ANKRD44: variants seen among roughly 807,000 people sequenced by gnomAD.
ANKRD44 encodes the protein serine/threonine-protein phosphatase 6 regulatory ankyrin repeat subunit B.
In ANKRD44, 35 loss-of-function variants were observed where a neutral mutation model predicts 116.0. That is an observed-to-expected ratio of 0.30 (90% CI 0.23 to 0.40). The LOEUF (loss-of-function observed/expected upper bound fraction) is 0.40, where lower values mean the gene tolerates loss of function less well. Ranked by LOEUF, ANKRD44 falls within the 10% of genes least tolerant of loss-of-function variation. The pLI is 1.00. For missense variants in ANKRD44, 1,014 were observed against 1,242.6 expected (o/e 0.82, Z 2.77); for synonymous variants, 435 against 461.8 (o/e 0.94, Z 0.74).
chr2:197,083,309 T>C, intron 14 of ANKRD44, 60 bp downstream of exon 14: 1 of 1,528,080 alleles, frequency 6.5e-7, no homozygotes, highest in Non-Finnish European at 8.8e-7. Flanking sequence ...AACTTAGCAA[T>C]CCTTCCCCAC....
At chr2:197,134,816 T>C (rs1367530074) in intron 4 of ANKRD44, 1 of 152,160 alleles carries the variant, frequency 6.6e-6, no homozygotes, top group Non-Finnish European at 1.5e-5. Flanking sequence ...AATCCATACA[T>C]ATTTTTAAAG....
chr2:196,996,558 G>C (rs533484966), intron 25 of ANKRD44, among the ~76,000 whole-genome samples: 1 of 152,282 alleles, frequency 6.6e-6, no homozygotes, highest in South Asian at 2.1e-4. Context: ...CTGAGGCACT[G>C]CTGTTGGAAG....
chr2:197,191,572 T>TA (rs949091441), intron 1 of ANKRD44, among the ~76,000 whole-genome samples: 1 of 152,144 alleles, frequency 6.6e-6, no homozygotes, highest in African/African-American at 2.4e-5. Flanking sequence ...AATAAAATGC[T>TA]AAATCAAATA....
intron 1 of ANKRD44, among the ~76,000 whole-genome samples, chr2:197,242,767 C>T (rs2082116668): frequency 1.3e-5 from 2 of 152,178 alleles, no homozygotes; most frequent in South Asian, 4.1e-4. Flanking sequence ...AAAGGACATG[C>T]TTTTATTTAC....
At chr2:196,979,555 T>TTTTTTTTTTTTTTTTTTTTTTC (rs2075785781) in intron 21 of ANKRD44, among the ~76,000 whole-genome samples, 1 of 9,592 alleles carries the variant, frequency 1.0e-4, no homozygotes, top group Non-Finnish European at 4.9e-4. Context: ...ATAAGATGAC[T>TTTTTTTTTTTTTTTTTTTTTTC]TTTTTTTTTT....
Position 196,988,163 on chromosome 2 carries a change from G to A in ANKRD44, c.*1428C>T, listed in dbSNP as rs1467594050. The A allele has an allele frequency of 5.7e-5, 56 of 985,390 alleles. No individual in the cohort carries two copies. In the Middle Eastern group the frequency reaches 1.6e-3, roughly 28 times the overall value. The allele number at this position is 985,390 out of a possible 1,614,324, so 61.0% of individuals were successfully genotyped here. On this transcript the variant is annotated 3_prime_UTR_variant, in exon 28 of 28. Transcript: ENST00000282272. ...ATGATTCTTGTACTCTCTGCTACAC[G>A]ACAGGAAAAATGTTAACGCTGCTTT...
chr2:197,008,060 C>A, intron 19 of ANKRD44, 137 bp from the exon 20 acceptor site: 1 of 642,556 alleles, frequency 1.6e-6, no homozygotes. Flanking sequence ...CTAAGTGTCC[C>A]CAGTTTGCTA....
chr2:197,249,760 A>G (rs1156489181), intron 1 of ANKRD44, among the ~76,000 whole-genome samples: 6 of 152,240 alleles, frequency 3.9e-5, no homozygotes, highest in Non-Finnish European at 7.3e-5. Context: ...ATTAAAGCAA[A>G]AAAGTCCATC....
intron 21 of ANKRD44, among the ~76,000 whole-genome samples, chr2:196,971,143 T>C (rs1269093343): frequency 2.0e-5 from 3 of 152,232 alleles, no homozygotes; most frequent in Middle Eastern, 3.2e-3. Context: ...ACATCTTCCC[T>C]TTAACTACAA....
At chr2:197,140,701 T>A (rs990035378) in intron 3 of ANKRD44, among the ~76,000 whole-genome samples, 2 of 147,370 alleles carry the variant, frequency 1.4e-5, no homozygotes, top group Non-Finnish European at 3.0e-5. Flanking sequence ...AGATCTCATG[T>A]TAAGTGTTCT....
intron 3 of ANKRD44, 29 bp downstream of exon 3, chr2:197,146,998 A>G: frequency 1.2e-6 from 2 of 1,601,618 alleles, no homozygotes; most frequent in Non-Finnish European, 1.7e-6. Context: ...TTTATTTGCA[A>G]TTGACTTTTG....
intron 2 of ANKRD44, among the ~76,000 whole-genome samples, chr2:197,166,357 T>C (rs547793870): frequency 3.3e-5 from 5 of 152,314 alleles, no homozygotes; most frequent in South Asian, 4.1e-4. Context: ...TAAACTGTTA[T>C]GGGCAGCTTT....
At chr2:197,226,393 C>T (rs1302691256) in intron 1 of ANKRD44, among the ~76,000 whole-genome samples, 3 of 152,092 alleles carry the variant, frequency 2.0e-5, no homozygotes, top group Non-Finnish European at 4.4e-5. Flanking sequence ...CGACCAGGCA[C>T]GGTGGCTCAC....
chr2:197,003,982 AAC>A (rs368951897), intron 21 of ANKRD44, among the ~76,000 whole-genome samples: 6 of 150,946 alleles, frequency 4.0e-5, no homozygotes, highest in South Asian at 2.1e-4. Flanking sequence ...ATATAATTAG[AAC>A]ACACACACAC....
Position 197,081,654 on chromosome 2 carries a change from T to A in ANKRD44, c.1529A>T (p.Glu510Val). ...CTGAGAAGAAACTTACAGTGTGGCT[T>A]CCTTTTCCTTCAGCTCCCTGGCTCT... is the stretch of plus-strand genomic sequence containing the variant. Reference protein sequence around the residue: ...LERARELKEKEATLCLEFLLQ... With the variant: ...LERARELKEKVATLCLEFLLQ... The change falls in exon 15 of 28, where the codon GAA becomes GTA. Residue 510 changes from glutamate to valine, a missense_variant. Transcript: ENST00000282272. 6.2e-7 allele frequency: 1 copy of A among 1,613,826 alleles called. No individual in the cohort carries two copies. The highest frequency in any genetic ancestry group is 8.5e-7 in the Non-Finnish European group (1 of 1,179,728).
chr2:197,035,241 G>A (rs2076786647), intron 16 of ANKRD44, among the ~76,000 whole-genome samples: 1 of 152,104 alleles, frequency 6.6e-6, no homozygotes, highest in Non-Finnish European at 1.5e-5. Flanking sequence ...CTTGAGCTGG[G>A]AAGCCAAGCT....
intron 16 of ANKRD44, among the ~76,000 whole-genome samples, chr2:197,040,460 T>G (rs1269893095): frequency 6.7e-6 from 1 of 148,856 alleles, no homozygotes. Flanking sequence ...CACTGCAACT[T>G]CCGCTTCCCG....
intron 1 of ANKRD44, among the ~76,000 whole-genome samples, chr2:197,230,134 G>A (rs1362809160): frequency 2.6e-5 from 4 of 152,030 alleles, no homozygotes; most frequent in Non-Finnish European, 4.4e-5. Context: ...TCTGTGTTTA[G>A]GTTTATGACT....
At chr2:197,178,315 T>TA (rs60822078) in intron 2 of ANKRD44, among the ~76,000 whole-genome samples, 33,041 of 151,634 alleles carry the variant, frequency 0.22, 3,814 homozygotes, top group Middle Eastern at 0.27. Flanking sequence ...TACAAAAAGT[T>TA]AAAAAATTAG....
Sources: gnomAD v4.1 joint callset for allele counts (sites outside exome capture counted in the v4.1 genomes callset) on GRCh38, gnomAD v4.1.1 for gene constraint, MANE v1.5 for transcripts, NCBI Gene and HGNC (gene_info 2026-07-23, HGNC 2026-07-21) for gene names.